The following FBXO16 variants were observed in gnomAD, a reference collection of about 807,000 sequenced individuals.
The protein encoded by FBXO16 is F-box protein 16.
FBXO16 carries 31 observed loss-of-function variants against 41.0 expected under a neutral mutation model. The observed-to-expected ratio is 0.76, with a 90% confidence interval of 0.57 to 1.02. The LOEUF (loss-of-function observed/expected upper bound fraction) is 1.02, where lower values mean the gene tolerates loss of function less well. FBXO16 is among the 50% of genes least tolerant of loss of function. FBXO16 has a pLI of 0.00. For missense variants in FBXO16, 361 were observed against 346.2 expected, an observed-to-expected ratio of 1.04 and a Z score of -0.34; for synonymous variants, 133 against 117.8, an observed-to-expected ratio of 1.13 and a Z score of -0.84.
intron 4 of FBXO16, among the ~76,000 whole-genome samples, chr8:28,460,245 A>ATTTTTTTTTTT (rs34429050): frequency 1.2e-5 from 1 of 85,442 alleles, no homozygotes; most frequent in African/African-American, 6.3e-5. Context: ...ATATATATAT[A>ATTTTTTTTTTT]TTTTTTTTTT....
chr8:28,450,076 A>G (rs987615000), intron 6 of FBXO16, among the ~76,000 whole-genome samples: 2 of 152,136 alleles, frequency 1.3e-5, no homozygotes, highest in African/African-American at 4.8e-5. Flanking sequence ...TGTACTACAG[A>G]GCTACAATAA....
At chr8:28,434,808 G>A (rs1035193419) in intron 7 of FBXO16, among the ~76,000 whole-genome samples, 8 of 152,220 alleles carry the variant, frequency 5.3e-5, no homozygotes, top group South Asian at 4.1e-4. Flanking sequence ...GGACCCAGTC[G>A]GCCGCTCTAA....
Position 28,486,795 on chromosome 8 carries a change from G to C in FBXO16, c.-16-3333C>G, listed in dbSNP as rs1195490576. On this transcript the variant is annotated intron_variant, in intron 1 of 8. Transcript: ENST00000380254. ...GTTGAGGCTGCGGTAAGCTGTGATT[G>C]CACCACTGTACTCCAGCCTGGGCAA... Among the ~76,000 whole-genome samples, 8 of 152,088 alleles carry C rather than the reference G, an allele frequency of 5.3e-5. No homozygotes were observed. The East Asian group carries it at 1.5e-3, about 29-fold the overall frequency.
intron 1 of FBXO16, among the ~76,000 whole-genome samples, chr8:28,489,058 C>T (rs1803646656): frequency 6.6e-6 from 1 of 152,134 alleles, no homozygotes; most frequent in Non-Finnish European, 1.5e-5. Context: ...AAGTGGGGAG[C>T]AGTTTAAGGA....
chr8:28,478,393 G>A (rs1028405283), intron 2 of FBXO16, among the ~76,000 whole-genome samples: 1 of 152,106 alleles, frequency 6.6e-6, no homozygotes, highest in Non-Finnish European at 1.5e-5. Context: ...GGCGGGGGTG[G>A]GTAGGCAGCT....
At chr8:28,478,821 CAAAAAAAA>C (rs35959759) in intron 2 of FBXO16, among the ~76,000 whole-genome samples, 3 of 117,818 alleles carry the variant, frequency 2.5e-5, no homozygotes, top group Non-Finnish European at 5.3e-5. Context: ...ATTCTGTCTC[CAAAAAAAA>C]AAAAAAAAAA....
chr8:28,483,326 T>C lies in FBXO16; in HGVS notation c.99+22A>G, dbSNP rs1190712625. 3 of 1,578,712 alleles carry C rather than the reference T, an allele frequency of 1.9e-6. No homozygotes were observed. The African/African-American group carries it at 4.1e-5, about 22-fold the overall frequency. ...TCCTTTCAGTCATGGATTCAATTGT[T>C]AAAATAGTTCTGGTCACTTACCCGG... On this transcript the variant is annotated intron_variant, in intron 2 of 8. Transcript: ENST00000380254.
At chr8:28,470,495 A>G (rs1803317414) in intron 3 of FBXO16, among the ~76,000 whole-genome samples, 1 of 152,246 alleles carries the variant, frequency 6.6e-6, no homozygotes, top group African/African-American at 2.4e-5. Flanking sequence ...GCGTACGTGC[A>G]TTTAACATTT....
Position 28,444,302 on chromosome 8 carries a change from C to CTTT in FBXO16, c.843+2866_843+2868dup, listed in dbSNP as rs575375088. ...TCTTGCCTCACATCCAATATTTCTT[C>CTTT]TTTTTTTTTTTTTTTTTTGAGACGG... On this transcript the variant is annotated intron_variant, in intron 7 of 8. Transcript: ENST00000380254. Among the ~76,000 whole-genome samples, 22 of 128,612 alleles carry CTTT rather than the reference C, an allele frequency of 1.7e-4. 1 individual carries two copies. The highest frequency in any genetic ancestry group is 6.1e-4 in the African/African-American group (20 of 32,588). 84.4% of individuals were successfully genotyped at this position (128,612 alleles called of 152,430 possible). A position where few individuals can be genotyped will look rare whatever the true frequency, so the allele number is the denominator to read the frequency against.
intron 2 of FBXO16, among the ~76,000 whole-genome samples, chr8:28,479,191 G>T (rs1429265318): frequency 6.6e-6 from 1 of 152,138 alleles, no homozygotes; most frequent in East Asian, 1.9e-4. Flanking sequence ...CAACCAATCT[G>T]AAGCATCATG....
chr8:28,463,404 TTG>T (rs573049955), intron 4 of FBXO16, among the ~76,000 whole-genome samples: 35 of 151,548 alleles, frequency 2.3e-4, no homozygotes, highest in Middle Eastern at 3.4e-3. Context: ...TTGTATGTAT[TTG>T]TGTGTGTGTA....
intron 7 of FBXO16, among the ~76,000 whole-genome samples, chr8:28,432,370 A>T (rs1802620970): frequency 6.6e-6 from 1 of 151,966 alleles, no homozygotes; most frequent in African/African-American, 2.4e-5. Flanking sequence ...GCTACTCAGG[A>T]GGCTGAGGCA....
Position 28,483,407 on chromosome 8 carries a change from T to G in FBXO16, c.40A>C (p.Lys14Gln), listed in dbSNP as rs1803547563. ...CAGGTGCTCATCTTTGTCTGCATTTTGGGACCATCTGTGTTTTTTGGAGGT... is the reference window on the plus strand; with the variant it reads ...CAGGTGCTCATCTTTGTCTGCATTTGGGGACCATCTGTGTTTTTTGGAGGT... ...FAPPKNTDGPKMQTKMSTWTP... is the reference protein window; with the variant it reads ...FAPPKNTDGPQMQTKMSTWTP... Residue 14 changes from lysine (K) to glutamine (Q), a missense_variant, in exon 2 of 9, where the codon AAA becomes CAA. Coordinates refer to ENST00000380254, the MANE Select transcript of FBXO16 (RefSeq NM_172366.4). The G allele has an allele frequency of 6.2e-7, 1 of 1,614,202 alleles. No homozygotes were observed. Among genetic ancestry groups the G allele is most frequent in the African/African-American group, 1.3e-5 (1 of 75,054 alleles).
At chr8:28,475,632 C>T (rs1803411813) in intron 2 of FBXO16, among the ~76,000 whole-genome samples, 2 of 152,212 alleles carry the variant, frequency 1.3e-5, no homozygotes, top group African/African-American at 2.4e-5. Context: ...CTAACTCCTA[C>T]TCAATTTATA....
intron 4 of FBXO16, among the ~76,000 whole-genome samples, chr8:28,462,332 G>C (rs1328982124): frequency 6.7e-6 from 1 of 149,060 alleles, no homozygotes; most frequent in Non-Finnish European, 1.5e-5. Flanking sequence ...AGGCTGGAGT[G>C]CAGTGGCGCA....
chr8:28,429,983 G>A (rs895686008), intron 7 of FBXO16, among the ~76,000 whole-genome samples: 16 of 152,164 alleles, frequency 1.1e-4, no homozygotes, highest in Admixed American at 6.6e-4. Context: ...TGTGTTGAAC[G>A]TATGCTCTAA....
chr8:28,477,762 T>C (rs926995900), intron 2 of FBXO16, among the ~76,000 whole-genome samples: 2 of 152,158 alleles, frequency 1.3e-5, no homozygotes, highest in African/African-American at 4.8e-5. Context: ...GGCATGGTGG[T>C]TGACACCTGT....
intron 3 of FBXO16, among the ~76,000 whole-genome samples, chr8:28,469,258 A>G (rs980172006): frequency 6.6e-6 from 1 of 151,876 alleles, no homozygotes; most frequent in Non-Finnish European, 1.5e-5. Flanking sequence ...GGTTGTGGTG[A>G]GCCGAGATTG....
chr8:28,439,794 A>C (rs1802738785), intron 7 of FBXO16, among the ~76,000 whole-genome samples: 1 of 152,068 alleles, frequency 6.6e-6, no homozygotes. Context: ...AACACCTGAG[A>C]AGTGCATCAG....
Sources: allele counts gnomAD v4.1 joint callset (sites outside exome capture counted in the v4.1 genomes callset), GRCh38; gene constraint gnomAD v4.1.1; transcripts MANE v1.5; gene names NCBI Gene and HGNC (gene_info 2026-07-23, HGNC 2026-07-21).